The following PRDM16 variants were observed in gnomAD, a reference collection of about 807,000 sequenced individuals.
PRDM16 encodes the protein histone-lysine N-methyltransferase PRDM16.
A neutral mutation model predicts 110.6 loss-of-function variants in PRDM16; 23 were observed. The ratio of observed to expected loss-of-function variants is 0.21; its 90% CI spans 0.15 to 0.29. PRDM16 has a LOEUF of 0.29. Among genes scored for constraint, PRDM16 ranks in the 10% least tolerant of loss-of-function variants. The probability of loss-of-function intolerance (pLI) is 1.00; values close to 1 mark genes in which losing one functional copy is unlikely to be tolerated. For synonymous variants in PRDM16, 799 were observed against 781.8 expected, an observed-to-expected ratio of 1.02 and a Z score of -0.37; for missense variants, 1,615 against 1,794.3, an observed-to-expected ratio of 0.90 and a Z score of 1.81.
chr1:3,409,207 G>A (rs535665974), intron 8 of PRDM16, among the ~76,000 whole-genome samples: 151 of 151,564 alleles, frequency 1.0e-3, no homozygotes, highest in African/African-American at 2.5e-3. Flanking sequence ...GAGTGTGGGC[G>A]CGTGAGTTGG....
At chr1:3,239,278 C>T (rs75092294) in intron 2 of PRDM16, among the ~76,000 whole-genome samples, 1 of 152,324 alleles carries the variant, frequency 6.6e-6, no homozygotes, top group East Asian at 1.9e-4. Flanking sequence ...AGCTTCCAGC[C>T]CTGCCAGGGG....
At chr1:3,095,140 A>C (rs1642367503) in intron 1 of PRDM16, among the ~76,000 whole-genome samples, 1 of 152,174 alleles carries the variant, frequency 6.6e-6, no homozygotes, top group Admixed American at 6.5e-5. Context: ...GCCTGTGATG[A>C]GAAGGCCCCT....
intron 3 of PRDM16, among the ~76,000 whole-genome samples, chr1:3,332,458 G>C (rs1176234524): frequency 6.6e-6 from 1 of 152,032 alleles, no homozygotes; most frequent in Non-Finnish European, 1.5e-5. Flanking sequence ...GCGTGGCCTG[G>C]CCCCCCCTCG....
At chr1:3,251,669 G>A (rs1427775286) in intron 3 of PRDM16, among the ~76,000 whole-genome samples, 1 of 152,196 alleles carries the variant, frequency 6.6e-6, no homozygotes, top group Non-Finnish European at 1.5e-5. Flanking sequence ...TCCCACAGCA[G>A]GGTGCAAGGG....
intron 2 of PRDM16, among the ~76,000 whole-genome samples, chr1:3,200,436 G>A (rs946964522): frequency 2.0e-5 from 3 of 152,148 alleles, no homozygotes; most frequent in Non-Finnish European, 2.9e-5. Context: ...TCCGCCTCCC[G>A]GGTTCACGCC....
In PRDM16 at chr1:3,080,846, G is replaced by A. The variant is rs1642006566; in HGVS notation, c.37+11550G>A. Among the ~76,000 whole-genome samples, 1 of 152,106 alleles carries A rather than the reference G, an allele frequency of 6.6e-6. No individual in the cohort carries two copies. ...TAATATCTCAGAGCCCCAGAGACTC[G>A]GCGTCTCCGACCCTGAGCCCACATG... On this transcript the variant is annotated intron_variant, in intron 1 of 16. Transcript: ENST00000270722. This position sits in a 1 kb window ranked among gnomAD's most constrained non-coding sequence, Gnocchi z 5.2.
chr1:3,322,708 C>T (rs868656316), intron 3 of PRDM16, among the ~76,000 whole-genome samples: 1 of 152,208 alleles, frequency 6.6e-6, no homozygotes, highest in Non-Finnish European at 1.5e-5. Flanking sequence ...CACCCTTTAA[C>T]GAGGCGCAGC....
intron 4 of PRDM16, among the ~76,000 whole-genome samples, chr1:3,388,828 G>T (rs182383089): frequency 1.8e-4 from 28 of 152,282 alleles, no homozygotes; most frequent in African/African-American, 6.5e-4. Context: ...AGCCCATCCC[G>T]GGCTCCTCCT....
chr1:3,313,625 G>T (rs1176842639), intron 3 of PRDM16, among the ~76,000 whole-genome samples: 1 of 152,218 alleles, frequency 6.6e-6, no homozygotes, highest in Non-Finnish European at 1.5e-5. Flanking sequence ...CGCCTGCGAG[G>T]CCGTGCGGAC....
At chr1:3,344,426 C>T (rs1007163324) in intron 3 of PRDM16, among the ~76,000 whole-genome samples, 2 of 152,028 alleles carry the variant, frequency 1.3e-5, no homozygotes, top group Admixed American at 1.3e-4. Flanking sequence ...TGGCATTTCC[C>T]CTCTGTTAGT....
chr1:3,396,692 C>G, intron 5 of PRDM16, 99 bp downstream of exon 5: 2 of 612,800 alleles, frequency 3.3e-6, no homozygotes, highest in African/African-American at 1.8e-5. Context: ...CTCTCATCAC[C>G]TCAAGCCACC....
At chr1:3,267,810 G>A (rs1464159716) in intron 3 of PRDM16, among the ~76,000 whole-genome samples, 1 of 152,218 alleles carries the variant, frequency 6.6e-6, no homozygotes, top group African/African-American at 2.4e-5. Flanking sequence ...GGTGTCGGTG[G>A]CAGCATTGGC....
intron 14 of PRDM16, among the ~76,000 whole-genome samples, chr1:3,427,700 C>T (rs796639196): frequency 6.6e-6 from 1 of 152,284 alleles, no homozygotes; most frequent in African/African-American, 2.4e-5. Context: ...CCTGTAGGGC[C>T]CTCAGCATCT....
chr1:3,099,481 C>T (rs1341716440), intron 1 of PRDM16, among the ~76,000 whole-genome samples: 1 of 152,194 alleles, frequency 6.6e-6, no homozygotes, highest in Admixed American at 6.5e-5. Context: ...ACTAGCTGAG[C>T]ATTAAACAAG....
Position 3,246,691 on chromosome 1 carries a change from C to T in PRDM16, c.438+2554C>T, listed in dbSNP as rs1639797747. ...GTTTTTTCAGCCTCCGCAATAAACA[C>T]CGTCAGCGTCTGGAGGATTCGAGTG... On this transcript the variant is annotated intron_variant, in intron 3 of 16. Transcript: ENST00000270722. The surrounding 1 kb of genome is among the most constrained non-coding windows in gnomAD (Gnocchi z 5.2). 6.6e-6 allele frequency among the ~76,000 whole-genome samples: 1 copy of T among 152,206 alleles called. No individual in the cohort carries two copies. Among genetic ancestry groups the T allele is most frequent in the African/African-American group, 2.4e-5 (1 of 41,442 alleles).
chr1:3,281,255 C>T (rs1256541454), intron 3 of PRDM16, among the ~76,000 whole-genome samples: 1 of 152,234 alleles, frequency 6.6e-6, no homozygotes, highest in Non-Finnish European at 1.5e-5. Flanking sequence ...GCACTGTCGC[C>T]CAGGAGGAGG....
At chr1:3,321,428 G>A (rs1641742202) in intron 3 of PRDM16, among the ~76,000 whole-genome samples, 1 of 151,936 alleles carries the variant, frequency 6.6e-6, no homozygotes, top group Non-Finnish European at 1.5e-5. Flanking sequence ...ATTTGTGTGT[G>A]GGTGCACATG....
intron 8 of PRDM16, among the ~76,000 whole-genome samples, chr1:3,409,713 G>A (rs1643637492): frequency 1.3e-5 from 2 of 150,400 alleles, no homozygotes; most frequent in Non-Finnish European, 3.0e-5. Context: ...GCATGTGTGT[G>A]GTTTGTGTGG....
intron 3 of PRDM16, chr1:3,309,376 C>G (rs2500278): frequency 6.6e-6 from 1 of 152,070 alleles, no homozygotes; most frequent in African/African-American, 2.4e-5. Flanking sequence ...TCCCGGGATG[C>G]GAGACCTGAG....
Sources: gnomAD v4.1 joint callset for allele counts (sites outside exome capture counted in the v4.1 genomes callset) on GRCh38, gnomAD v4.1.1 for gene constraint, Gnocchi (gnomAD v3.1) non-coding constraint, MANE v1.5 for transcripts, NCBI Gene and HGNC (gene_info 2026-07-23, HGNC 2026-07-21) for gene names.